Variants in ABCB5 observed in about 807,000 individuals in gnomAD.
ABCB5 encodes ATP binding cassette subfamily B member 5.
A neutral mutation model predicts 144.2 loss-of-function variants in ABCB5; 155 were observed. That is an observed-to-expected ratio of 1.08 (90% CI 0.94 to 1.23). The LOEUF (loss-of-function observed/expected upper bound fraction) is 1.23, where lower values mean the gene tolerates loss of function less well. ABCB5 is among the 50% of genes most tolerant of loss of function. ABCB5 has a pLI of 0.00. For synonymous variants in ABCB5, 610 were observed against 528.6 expected (o/e 1.15, Z -2.11); for missense variants, 1,830 against 1,520.8 (o/e 1.20, Z -3.38).
intron 23 of ABCB5, among the ~76,000 whole-genome samples, chr7:20,730,453 G>C (rs1422600531): frequency 6.6e-6 from 1 of 152,208 alleles, no homozygotes; most frequent in Admixed American, 6.5e-5. Context: ...AGGTTGCAAT[G>C]AGCCAAGATC....
chr7:20,666,854 A>C, intron 14 of ABCB5: 1 of 1,442,688 alleles, frequency 6.9e-7, no homozygotes, highest in South Asian at 1.7e-5. Context: ...TATCTCCCTA[A>C]TCTTTACACT....
chr7:20,647,833 A>G (rs1306127829), intron 10 of ABCB5, 135 bp from the exon 11 acceptor site: 3 of 1,120,340 alleles, frequency 2.7e-6, no homozygotes, highest in Non-Finnish European at 3.8e-6. Flanking sequence ...TGAAACCTTC[A>G]TGTCTAACTC....
At chr7:20,713,939 A>T (rs1781581163) in intron 20 of ABCB5, among the ~76,000 whole-genome samples, 2 of 130,058 alleles carry the variant, frequency 1.5e-5, no homozygotes, top group Admixed American at 1.5e-4. Flanking sequence ...GATTCCTGAG[A>T]TTCTCAGCTT....
At chr7:20,634,077 T>G (rs765629337) in intron 5 of ABCB5, among the ~76,000 whole-genome samples, 10 of 152,076 alleles carry the variant, frequency 6.6e-5, no homozygotes. Context: ...TATGTCCATA[T>G]GTACACATTA....
At position 20,643,533 on chromosome 7, in the gene ABCB5, G is replaced by A. The variant is rs200714278; in HGVS notation, c.579G>A (p.Ser193=). The A allele has an allele frequency of 1.3e-4, 203 of 1,613,912 alleles. No individual in the cohort carries two copies. In the African/African-American group the frequency reaches 2.1e-3, roughly 17 times the overall value. ...TGTTTCAAAACATGTCTACTTTTTC[G>A]ATTGGCCTGGCAGTTGGTTTGGTGA... ...ALLFQNMSTF[S]IGLAVGLVKG... is the part of the protein sequence containing the mutation. Residue 193 remains serine (S), a synonymous_variant, in exon 7 of 28, where the codon TCG becomes TCA. Coordinates refer to ENST00000404938, the MANE Select transcript of ABCB5 (RefSeq NM_001163941.2).
chr7:20,637,713 C>T (rs887681838), intron 5 of ABCB5, among the ~76,000 whole-genome samples: 2 of 151,976 alleles, frequency 1.3e-5, no homozygotes, highest in African/African-American at 4.8e-5. Context: ...AGCTGCCATG[C>T]CAGGCCTTGA....
chr7:20,658,949 A>G, intron 14 of ABCB5: 1 of 1,210,980 alleles, frequency 8.3e-7, no homozygotes, highest in South Asian at 1.2e-5. Flanking sequence ...AGTGGTTTGC[A>G]CTTTCCACCT....
chr7:20,748,374 G>T (rs964921382), intron 26 of ABCB5, among the ~76,000 whole-genome samples: 12 of 152,200 alleles, frequency 7.9e-5, no homozygotes, highest in African/African-American at 2.7e-4. Context: ...TTATCTGAAG[G>T]TGTAGTGGCT....
chr7:20,749,785 A>G (rs575869819), intron 26 of ABCB5, among the ~76,000 whole-genome samples: 2 of 152,254 alleles, frequency 1.3e-5, no homozygotes, highest in African/African-American at 4.8e-5. Context: ...AGACCTTTGG[A>G]GAATTAAGAG....
At chr7:20,671,869 A>C (rs1173800074) in intron 14 of ABCB5, among the ~76,000 whole-genome samples, 1 of 152,200 alleles carries the variant, frequency 6.6e-6, no homozygotes, top group Admixed American at 6.5e-5. Flanking sequence ...ATCTTATGGT[A>C]GGTATACTTT....
At chr7:20,730,888 C>T (rs1251603247) in intron 23 of ABCB5, among the ~76,000 whole-genome samples, 15 of 152,060 alleles carry the variant, frequency 9.9e-5, no homozygotes, top group Non-Finnish European at 2.1e-4. Flanking sequence ...CCCAGGGCCC[C>T]GTTCCTTCTG....
rs1484425965 is a variant in ABCB5, at chr7:20,685,685, C to T, written c.1870-11C>T. On this transcript the variant is annotated splice_polypyrimidine_tract_variant and intron_variant, in intron 15 of 27. Transcript: ENST00000404938. ...TTCTTATAATGATAACCTATATATT[C>T]TTCCTGTAAGGATATTAAAAAAGCT... is the stretch of plus-strand genomic sequence containing the variant. 13 of 1,589,572 alleles carry T rather than the reference C, an allele frequency of 8.2e-6. No homozygotes were observed. Among genetic ancestry groups the T allele is most frequent in the Non-Finnish European group, 1.0e-5 (12 of 1,168,468 alleles).
intron 14 of ABCB5, among the ~76,000 whole-genome samples, chr7:20,668,495 C>T (rs1269395713): frequency 1.3e-5 from 2 of 152,048 alleles, no homozygotes; most frequent in Non-Finnish European, 2.9e-5. Flanking sequence ...GCAACCGCCC[C>T]GTCTGAGAAG....
At chr7:20,694,594 T>C (rs775270246) in intron 16 of ABCB5, among the ~76,000 whole-genome samples, 4 of 152,038 alleles carry the variant, frequency 2.6e-5, no homozygotes, top group Non-Finnish European at 5.9e-5. Context: ...TTCTGGCCTG[T>C]TCAATAAGGC....
At chr7:20,654,036 A>G (rs1784688734) in intron 13 of ABCB5, among the ~76,000 whole-genome samples, 1 of 152,220 alleles carries the variant, frequency 6.6e-6, no homozygotes, top group South Asian at 2.1e-4. Flanking sequence ...CAAGATGCCC[A>G]GAGAAGAGAG....
intron 20 of ABCB5, among the ~76,000 whole-genome samples, chr7:20,709,449 T>C (rs1786939081): frequency 1.3e-5 from 2 of 149,996 alleles, no homozygotes; most frequent in Admixed American, 1.3e-4. Flanking sequence ...CACTATTTAG[T>C]GTCATAGCAT....
At chr7:20,693,188 C>A (rs1399684053) in intron 16 of ABCB5, among the ~76,000 whole-genome samples, 1 of 151,696 alleles carries the variant, frequency 6.6e-6, no homozygotes, top group East Asian at 1.9e-4. Context: ...CATAGGGAGA[C>A]CCTGTTTCTA....
At chr7:20,655,073 C>T (rs1045783739) in intron 13 of ABCB5, among the ~76,000 whole-genome samples, 1 of 146,256 alleles carries the variant, frequency 6.8e-6, no homozygotes, top group African/African-American at 2.6e-5. Flanking sequence ...ATAACTGTAG[C>T]AAAGCTGAAA....
intron 5 of ABCB5, among the ~76,000 whole-genome samples, chr7:20,636,467 T>A (rs13226131): frequency 6.6e-6 from 1 of 151,942 alleles, no homozygotes; most frequent in Non-Finnish European, 1.5e-5. Context: ...TTTCTTTTTT[T>A]AAGACTCATT....
Sources: allele counts gnomAD v4.1 joint callset (sites outside exome capture counted in the v4.1 genomes callset), GRCh38; gene constraint gnomAD v4.1.1; transcripts MANE v1.5; gene names NCBI Gene and HGNC (gene_info 2026-07-23, HGNC 2026-07-21).